Variants in MNS1 observed in about 807,000 individuals in gnomAD.
The protein encoded by MNS1 is meiosis-specific nuclear structural protein 1.
Under a neutral mutation model 72.0 loss-of-function variants are expected in MNS1, and 63 were observed. The observed-to-expected ratio is 0.87, with a 90% CI of 0.71 to 1.08. The LOEUF (loss-of-function observed/expected upper bound fraction) is 1.08, where lower values mean the gene tolerates loss of function less well. Ranked by LOEUF, MNS1 falls within the 50% of genes least tolerant of loss-of-function variation. MNS1 has a pLI of 0.00. For synonymous variants in MNS1, 188 were observed against 172.1 expected (o/e 1.09, Z -0.72); for missense variants, 604 against 562.4 (o/e 1.07, Z -0.75).
chr15:56,453,267 C>T (rs1208046802), intron 3 of MNS1, among the ~76,000 whole-genome samples: 4 of 152,044 alleles, frequency 2.6e-5, no homozygotes, highest in Admixed American at 2.6e-4. Flanking sequence ...ATACATGTAC[C>T]TCTTGCAGTT....
intron 2 of MNS1, among the ~76,000 whole-genome samples, chr15:56,459,983 T>C (rs1246299804): frequency 1.2e-4 from 4 of 34,598 alleles, no homozygotes; most frequent in Non-Finnish European, 1.5e-4. Context: ...AGAGCGAAAT[T>C]CTGTCTCAAA....
chr15:56,447,770 C>T (rs1015843974), intron 3 of MNS1: 2 of 152,098 alleles, frequency 1.3e-5, no homozygotes, highest in African/African-American at 4.8e-5. Context: ...TGAACACGTC[C>T]CAATCACTTC....
intron 9 of MNS1, chr15:56,429,404 T>C (rs1472293276): frequency 1.4e-5 from 6 of 425,792 alleles, no homozygotes; most frequent in Non-Finnish European, 2.5e-5. Flanking sequence ...AATTTTCTGA[T>C]TTATCAGCTC....
intron 7 of MNS1, among the ~76,000 whole-genome samples, chr15:56,440,536 T>C (rs1159437453): frequency 1.3e-5 from 2 of 152,148 alleles, no homozygotes; most frequent in African/African-American, 4.8e-5. Context: ...TCAGATTTAC[T>C]CATCAGAGCT....
chr15:56,440,037 T>C (rs896686423), intron 7 of MNS1, among the ~76,000 whole-genome samples: 1 of 152,096 alleles, frequency 6.6e-6, no homozygotes, highest in Non-Finnish European at 1.5e-5. Context: ...GTATCTAGAA[T>C]ATATGAAGAA....
At chr15:56,433,956 A>G (rs2050669095) in intron 8 of MNS1, among the ~76,000 whole-genome samples, 182 bp downstream of exon 8, 1 of 152,172 alleles carries the variant, frequency 6.6e-6, no homozygotes, top group South Asian at 2.1e-4. Context: ...AGTGTTTAGC[A>G]CATAGAAAGC....
At chr15:56,439,071 C>G (rs1422544887) in intron 7 of MNS1, among the ~76,000 whole-genome samples, 1 of 152,090 alleles carries the variant, frequency 6.6e-6, no homozygotes, top group Non-Finnish European at 1.5e-5. Flanking sequence ...AATCCTACAG[C>G]TAACAAGTGA....
chr15:56,459,914 C>T (rs1330161080), intron 2 of MNS1, among the ~76,000 whole-genome samples: 3 of 143,408 alleles, frequency 2.1e-5, no homozygotes, highest in Non-Finnish European at 4.5e-5. Flanking sequence ...CACTTGAACC[C>T]GGGAGGCAGA....
intron 4 of MNS1, among the ~76,000 whole-genome samples, chr15:56,446,161 T>C (rs1425351311): frequency 1.3e-5 from 2 of 152,086 alleles, no homozygotes; most frequent in African/African-American, 4.8e-5. Context: ...TGTGTACATA[T>C]GTTTATGTGG....
intron 3 of MNS1, among the ~76,000 whole-genome samples, chr15:56,455,956 A>G (rs1318825976): frequency 1.3e-5 from 2 of 152,080 alleles, no homozygotes; most frequent in African/African-American, 4.8e-5. Context: ...TTTTAAAACA[A>G]TGGGGGGGAA....
At chr15:56,452,000 G>A (rs959972491) in intron 3 of MNS1, among the ~76,000 whole-genome samples, 1 of 151,912 alleles carries the variant, frequency 6.6e-6, no homozygotes, top group Non-Finnish European at 1.5e-5. Context: ...CATCAATTTT[G>A]GCAAATGGTT....
chr15:56,446,044 C>A (rs745884098), intron 4 of MNS1: 1 of 151,978 alleles, frequency 6.6e-6, no homozygotes, highest in African/African-American at 2.4e-5. Flanking sequence ...ATTGTACACA[C>A]GCAACACACA....
intron 7 of MNS1, among the ~76,000 whole-genome samples, chr15:56,441,528 G>T (rs2050813998): frequency 6.6e-6 from 1 of 152,040 alleles, no homozygotes; most frequent in South Asian, 2.1e-4. Flanking sequence ...GACTCAAAAA[G>T]CAATTGTAAC....
chr15:56,437,025 C>T (rs2140338873), intron 7 of MNS1, among the ~76,000 whole-genome samples: 1 of 152,234 alleles, frequency 6.6e-6, no homozygotes, highest in East Asian at 1.9e-4. Flanking sequence ...ACCAGAGGTA[C>T]AAGGAGGAGC....
intron 3 of MNS1, among the ~76,000 whole-genome samples, chr15:56,452,200 C>G (rs1459513145): frequency 6.6e-6 from 1 of 152,122 alleles, no homozygotes; most frequent in Admixed American, 6.5e-5. Flanking sequence ...TAGTTATACT[C>G]ACGGCTATGA....
chr15:56,432,789 C>G (rs1177414694), intron 8 of MNS1, among the ~76,000 whole-genome samples: 3 of 152,174 alleles, frequency 2.0e-5, no homozygotes, highest in African/African-American at 4.8e-5. Flanking sequence ...AATATAACAG[C>G]ACTTGTATTC....
rs1567144042 is a variant in MNS1 at position 56,429,015 on chromosome 15, AATGCCACTGAACTGTAAAACAAAAGTT to A, written c.*59_*85del. Reference sequence around the variant, plus strand: ...AAATCCAAACAGACAATGGATACCTAATGCCACTGAACTGTAAAACAAAAGTTATGCTGACATCTAGTGGTAACATGC... The same window carrying A: ...AAATCCAAACAGACAATGGATACCTAATGCTGACATCTAGTGGTAACATGC... On this transcript the variant is annotated 3_prime_UTR_variant, in exon 10 of 10. Coordinates refer to ENST00000260453, the MANE Select transcript of MNS1 (RefSeq NM_018365.4). 3 of 697,020 alleles carry A rather than the reference AATGCCACTGAACTGTAAAACAAAAGTT, an allele frequency of 4.3e-6. No homozygotes were observed. Among genetic ancestry groups the A allele is most frequent in the Non-Finnish European group, 7.0e-6 (3 of 429,276 alleles). 43.2% of individuals were successfully genotyped at this position (697,020 alleles called of 1,614,324 possible).
At chr15:56,461,671 A>AAC (rs1398956994) in intron 2 of MNS1, among the ~76,000 whole-genome samples, 1 of 151,158 alleles carries the variant, frequency 6.6e-6, no homozygotes, top group East Asian at 1.9e-4. Context: ...AAAAAAAAAA[A>AAC]AAAAAAAAAA....
At position 56,464,145 on chromosome 15, in the gene MNS1, T is replaced by G; in HGVS notation, c.106A>C (p.Ser36Arg). Residue 36 changes from serine (S) to arginine (R), a missense_variant, in exon 2 of 10, where the codon AGT becomes CGT. Transcript: ENST00000260453. The part of the protein sequence containing the change: ...LHVQALKNVN[S>R]QIRNQMVQNE... ...TGCACCATTTGATTCCTGATTTGAC[T>G]GTTGACGTTTTTTAGAGCTTGGACA... The G allele has an allele frequency of 6.2e-7, 1 of 1,614,136 alleles. No individual in the cohort carries two copies. The highest frequency in any genetic ancestry group is 1.7e-5 in the Admixed American group (1 of 60,024).
Sources: allele counts gnomAD v4.1 joint callset (sites outside exome capture counted in the v4.1 genomes callset), GRCh38; gene constraint gnomAD v4.1.1; transcripts MANE v1.5; gene names NCBI Gene and HGNC (gene_info 2026-07-23, HGNC 2026-07-21).